TMEM268: variants seen among roughly 807,000 people sequenced by gnomAD.
The protein encoded by TMEM268 is transmembrane protein 268, also known as transmembrane protein C9orf91.
In TMEM268, 24 loss-of-function variants were observed where a neutral mutation model predicts 39.1. That is an observed-to-expected ratio of 0.61 (90% CI 0.44 to 0.86). The LOEUF is 0.86. Ranked by LOEUF, TMEM268 falls within the 40% of genes least tolerant of loss-of-function variation. The probability of loss-of-function intolerance (pLI) is 0.00; values close to 1 mark genes in which losing one functional copy is unlikely to be tolerated. For synonymous variants in TMEM268, 176 were observed against 173.5 expected, an observed-to-expected ratio of 1.01 and a Z score of -0.12; for missense variants, 409 against 428.6, an observed-to-expected ratio of 0.95 and a Z score of 0.40.
intron 4 of TMEM268, 66 bp downstream of exon 4, chr9:114,627,072 C>A (rs1846194039): frequency 2.5e-6 from 3 of 1,205,336 alleles, no homozygotes; most frequent in South Asian, 1.3e-5. Context: ...AAATTCAGCA[C>A]CGTGTCTTGG....
At position 114,643,366 on chromosome 9, in the gene TMEM268, T is replaced by C; in HGVS notation, c.*53T>C. 1 of 1,557,316 alleles carries C rather than the reference T, an allele frequency of 6.4e-7. No homozygotes were observed. Among genetic ancestry groups the C allele is most frequent in the Non-Finnish European group, 8.8e-7 (1 of 1,133,302 alleles). ...TCAAGACTGAGCAGTCAGGAAGGCT[T>C]CAGGAGCCCAAGATGGCCAATGGGG... On this transcript the variant is annotated 3_prime_UTR_variant, in exon 9 of 9. Transcript: ENST00000288502.
rs527622532 is a variant in TMEM268 at position 114,611,800 on chromosome 9, G to A, written c.-79+236G>A. Among the ~76,000 whole-genome samples, 79 of 152,224 alleles carry A rather than the reference G, an allele frequency of 5.2e-4. 1 individual carries two copies. Among genetic ancestry groups the A allele is most frequent in the African/African-American group, 1.9e-3 (78 of 41,552 alleles). On this transcript the variant is annotated intron_variant, in intron 1 of 8. Coordinates refer to ENST00000288502, the MANE Select transcript of TMEM268 (RefSeq NM_153045.4). ...ACAAGCCTCCTGGGGGCCCGCGGTT[G>A]GGGAGGGCCAGACTGATTTATGGGG...
chr9:114,639,394 C>T (rs1028608802), intron 8 of TMEM268, among the ~76,000 whole-genome samples: 2 of 152,132 alleles, frequency 1.3e-5, no homozygotes, highest in African/African-American at 4.8e-5. Context: ...ACCTCAACCT[C>T]CCACTTCTTT....
At chr9:114,625,629 G>T (rs1188093288) in intron 3 of TMEM268, among the ~76,000 whole-genome samples, 1 of 151,540 alleles carries the variant, frequency 6.6e-6, no homozygotes, top group Non-Finnish European at 1.5e-5. Flanking sequence ...TTTTAGTAGA[G>T]ACGGGGTTTC....
At chr9:114,612,127 T>C (rs114378713) in intron 1 of TMEM268, among the ~76,000 whole-genome samples, 2,361 of 152,254 alleles carry the variant, frequency 0.016, 78 homozygotes, top group Admixed American at 0.069. Flanking sequence ...TCGTGTTGTG[T>C]TTTTCACAAA....
At chr9:114,604,204 C>A in the TMEM268 span, among the ~76,000 whole-genome samples, 1 of 151,986 alleles carries the variant, frequency 6.6e-6, no homozygotes, top group Non-Finnish European at 1.5e-5. Context: ...GATTCTTTTC[C>A]CTTTACCTCT....
At chr9:114,619,028 C>T (rs535394648) in intron 2 of TMEM268, among the ~76,000 whole-genome samples, 7 of 152,132 alleles carry the variant, frequency 4.6e-5, no homozygotes, top group Non-Finnish European at 7.4e-5. Flanking sequence ...TGGGGGCCCA[C>T]GGGAATGTGG....
At position 114,645,404 on chromosome 9, in the gene TMEM268, C is replaced by T. The variant is rs948500747; in HGVS notation, c.*2091C>T. On this transcript the variant is annotated 3_prime_UTR_variant, in exon 9 of 9. Transcript: ENST00000288502. Reference sequence around the variant, plus strand: ...TGGTGAACAAGAAATGTAATAAACACGTGGCTTGCCATTCAAGAGATGAGT... The same window carrying T: ...TGGTGAACAAGAAATGTAATAAACATGTGGCTTGCCATTCAAGAGATGAGT... 1 of 152,362 alleles carries T rather than the reference C, an allele frequency of 6.6e-6. No individual in the cohort carries two copies. Among genetic ancestry groups the T allele is most frequent in the African/African-American group, 2.4e-5 (1 of 41,452 alleles). 9.4% of individuals were successfully genotyped at this position (152,362 alleles called of 1,614,324 possible).
chr9:114,635,601 C>T (rs1007610893), intron 6 of TMEM268, among the ~76,000 whole-genome samples: 1 of 152,084 alleles, frequency 6.6e-6, no homozygotes, highest in African/African-American at 2.4e-5. Context: ...ATCACCTGAG[C>T]GCGGGATGTC....
intron 7 of TMEM268, among the ~76,000 whole-genome samples, chr9:114,637,863 G>A (rs532050760): frequency 6.6e-6 from 1 of 152,260 alleles, no homozygotes; most frequent in South Asian, 2.1e-4. Flanking sequence ...AGCCTTTTCT[G>A]AGCCCCGGCT....
chr9:114,643,168 G>A lies in TMEM268; in HGVS notation c.884G>A (p.Gly295Asp), dbSNP rs1827431826. The change falls in exon 9 of 9, where the codon GGC becomes GAC. Residue 295 changes from glycine to aspartate, a missense_variant. By Grantham distance (94) the Gly-to-Asp change is moderately conservative (BLOSUM62 -1). Coordinates refer to ENST00000288502, the MANE Select transcript of TMEM268 (RefSeq NM_153045.4). ...CGCCAGCTGCTGGCAGTGTTTGGCG[G>A]CTACTACATCCGGCTTCTAGTGACC... ...MARQLLAVFG[G>D]YYIRLLVTSQ... 1.2e-6 allele frequency: 2 copies of A among 1,614,154 alleles called. No individual in the cohort carries two copies. The highest frequency in any genetic ancestry group is 1.7e-6 in the Non-Finnish European group (2 of 1,180,016).
intron 5 of TMEM268, among the ~76,000 whole-genome samples, chr9:114,631,034 C>A (rs1482174214): frequency 6.6e-6 from 1 of 152,160 alleles, no homozygotes; most frequent in Admixed American, 6.6e-5. Context: ...AAGATTTGGG[C>A]CGGGCATGGT....
chr9:114,609,332 CAA>C (rs978321154), upstream of TMEM268, among the ~76,000 whole-genome samples: 1 of 150,056 alleles, frequency 6.7e-6, no homozygotes, highest in Non-Finnish European at 1.5e-5. Context: ...AACAAACAAA[CAA>C]ACAAACAAAC....
chr9:114,632,739 C>T (rs538724180), intron 5 of TMEM268, among the ~76,000 whole-genome samples: 55 of 152,270 alleles, frequency 3.6e-4, no homozygotes, highest in African/African-American at 1.2e-3. Context: ...TCCCATCTTC[C>T]GCAAATATCT....
chr9:114,604,024 T>C, the TMEM268 span, among the ~76,000 whole-genome samples: 1 of 151,996 alleles, frequency 6.6e-6, no homozygotes. Flanking sequence ...CTTTTTTTTT[T>C]TTTATGGGAT....
chr9:114,607,646 C>T (rs112948348), upstream of TMEM268, among the ~76,000 whole-genome samples: 2,344 of 152,096 alleles, frequency 0.015, 36 homozygotes, highest in Middle Eastern at 0.034. Context: ...CAGAGTGAGA[C>T]CCTGTCTCAA....
intron 3 of TMEM268, among the ~76,000 whole-genome samples, chr9:114,624,878 G>A (rs1044602517): frequency 1.3e-5 from 2 of 152,248 alleles, no homozygotes; most frequent in Non-Finnish European, 2.9e-5. Flanking sequence ...GGTTGTGAAA[G>A]CTTTGCAGAG....
upstream of TMEM268, among the ~76,000 whole-genome samples, chr9:114,610,194 C>G (rs1264337655): frequency 1.3e-5 from 2 of 152,162 alleles, no homozygotes; most frequent in African/African-American, 2.4e-5. Context: ...CATGCGCCAC[C>G]AGGCCCGGCT....
intron 1 of TMEM268, among the ~76,000 whole-genome samples, chr9:114,614,821 T>C (rs555112821): frequency 6.6e-6 from 1 of 151,890 alleles, no homozygotes; most frequent in East Asian, 1.9e-4. Context: ...AATGTGCAGG[T>C]TGCTGCTGGA....
Sources: allele counts gnomAD v4.1 joint callset (sites outside exome capture counted in the v4.1 genomes callset), GRCh38; gene constraint gnomAD v4.1.1; transcripts MANE v1.5; gene names NCBI Gene and HGNC (gene_info 2026-07-23, HGNC 2026-07-21).